The following TRMO variants were observed in gnomAD, a reference collection of about 807,000 sequenced individuals.
TRMO encodes the protein tRNA methyltransferase O, also known as tRNA (adenine(37)-N6)-methyltransferase.
A neutral mutation model predicts 37.2 loss-of-function variants in TRMO; 30 were observed. That is an observed-to-expected ratio of 0.81 (90% CI 0.60 to 1.09). The LOEUF is 1.09. Ranked by LOEUF, TRMO falls within the 50% of genes least tolerant of loss-of-function variation. The probability of loss-of-function intolerance (pLI) is 0.00; values close to 1 mark genes in which losing one functional copy is unlikely to be tolerated. For synonymous variants in TRMO, 239 were observed against 199.4 expected, an observed-to-expected ratio of 1.20 and a Z score of -1.67; for missense variants, 552 against 549.5, an observed-to-expected ratio of 1.00 and a Z score of -0.05.
At chr9:97,912,906 C>T in intron 3 of TRMO, 1 of 1,303,892 alleles carries the variant, frequency 7.7e-7, no homozygotes, top group Non-Finnish European at 1.0e-6. Flanking sequence ...TGTGATTCAT[C>T]CCAGACTCCT....
At chr9:97,902,137 G>C (rs1006608120), downstream of TRMO, among the ~76,000 whole-genome samples, 6 of 152,188 alleles carry the variant, frequency 3.9e-5, no homozygotes, top group African/African-American at 1.4e-4. Context: ...CGTTCAGGAA[G>C]AATGTTTTAA....
chr9:97,919,071 C>G (rs1340158506), intron 1 of TRMO, among the ~76,000 whole-genome samples: 7 of 152,132 alleles, frequency 4.6e-5, no homozygotes, highest in Non-Finnish European at 7.4e-5. Context: ...TTTTTGACAA[C>G]TTTAATTTTT....
downstream of TRMO, among the ~76,000 whole-genome samples, chr9:97,900,504 T>C (rs1831145335): frequency 6.6e-6 from 1 of 152,256 alleles, no homozygotes; most frequent in South Asian, 2.1e-4. Context: ...GACTTCATTC[T>C]GCCAAAGACT....
At position 97,916,256 on chromosome 9, in the gene TRMO, A is replaced by G. The variant is rs1186598250; in HGVS notation, c.159T>C (p.Cys53=). 1 of 1,613,592 alleles carries G rather than the reference A, an allele frequency of 6.2e-7. No homozygotes were observed. ...KNGTPRQPSI[C]SYSRACLRIR... ...TCCTCAAACAGGCTCGAGAATAGCT[A>G]CAAATGGATGGCTGTCTTGGAGTAC... Residue 53 remains cysteine (C), a synonymous_variant, in exon 2 of 5, where the codon TGT becomes TGC. Transcript: ENST00000375119.
chr9:97,901,607 T>G (rs1396798885), downstream of TRMO, among the ~76,000 whole-genome samples: 3 of 152,114 alleles, frequency 2.0e-5, no homozygotes, highest in African/African-American at 7.2e-5. Flanking sequence ...CAACTTCAAT[T>G]CCGGACATAA....
chr9:97,908,175 G>A (rs1440779845), intron 4 of TRMO, among the ~76,000 whole-genome samples: 1 of 152,116 alleles, frequency 6.6e-6, no homozygotes, highest in Non-Finnish European at 1.5e-5. Context: ...CACTTTGGGA[G>A]GCCAAGGCGG....
downstream of TRMO, among the ~76,000 whole-genome samples, chr9:97,900,178 T>C (rs909087499): frequency 1.4e-4 from 21 of 152,228 alleles, no homozygotes; most frequent in African/African-American, 5.1e-4. Flanking sequence ...AGAAAAAGGC[T>C]ATCAATGAAG....
At chr9:97,912,928 C>G in intron 3 of TRMO, 1 of 1,304,544 alleles carries the variant, frequency 7.7e-7, no homozygotes, top group Non-Finnish European at 1.0e-6. Context: ...CCACACAGCA[C>G]AGTTGACATC....
intron 3 of TRMO, chr9:97,911,529 G>A (rs975918772): frequency 6.6e-6 from 1 of 152,332 alleles, no homozygotes; most frequent in African/African-American, 2.4e-5. Flanking sequence ...TTGCAGTCTA[G>A]TGAGACCTAA....
At chr9:97,906,995 C>G (rs963198378) in intron 4 of TRMO, among the ~76,000 whole-genome samples, 4 of 152,204 alleles carry the variant, frequency 2.6e-5, no homozygotes, top group African/African-American at 9.7e-5. Context: ...AATCCTTTTA[C>G]AACTGACCAG....
At chr9:97,920,743 C>G (rs964584505) in intron 1 of TRMO, among the ~76,000 whole-genome samples, 17 of 152,206 alleles carry the variant, frequency 1.1e-4, no homozygotes, top group African/African-American at 4.1e-4. Context: ...TCCACCTGTA[C>G]TATTAAATTA....
At chr9:97,896,911 T>TGTC in the TRMO span, among the ~76,000 whole-genome samples, 9 of 152,336 alleles carry the variant, frequency 5.9e-5, no homozygotes, top group East Asian at 1.7e-3. Flanking sequence ...TAATGCATGC[T>TGTC]TGTGATTAGA....
In TRMO at chr9:97,913,388, T is replaced by C. The variant is rs929123807; in HGVS notation, c.409+13A>G. Reference sequence around the variant, plus strand: ...GTGAGGAAAAAGGTAAAAGTAGAAATGAAATGGGTTACCTTCTACCTTTTC... The same window carrying C: ...GTGAGGAAAAAGGTAAAAGTAGAAACGAAATGGGTTACCTTCTACCTTTTC... On this transcript the variant is annotated intron_variant, in intron 3 of 4. Transcript: ENST00000375119. 28 of 1,613,784 alleles carry C rather than the reference T, an allele frequency of 1.7e-5. No individual in the cohort carries two copies. The highest frequency in any genetic ancestry group is 3.3e-4 in the Middle Eastern group (2 of 6,062).
intron 4 of TRMO, among the ~76,000 whole-genome samples, chr9:97,907,961 T>C (rs1825927796): frequency 6.6e-6 from 1 of 152,150 alleles, no homozygotes; most frequent in African/African-American, 2.4e-5. Flanking sequence ...TCTTTCTCAG[T>C]GAGGCCCACT....
downstream of TRMO, chr9:97,900,755 G>C (rs1042800252): frequency 4.1e-6 from 4 of 979,794 alleles, no homozygotes; most frequent in Admixed American, 6.2e-5. Flanking sequence ...TTTTTATTGA[G>C]TCTTCTCTTG....
At chr9:97,905,756 C>T (rs1320751459) in intron 4 of TRMO, among the ~76,000 whole-genome samples, 1 of 152,124 alleles carries the variant, frequency 6.6e-6, no homozygotes, top group African/African-American at 2.4e-5. Context: ...ATCTTTATCC[C>T]TCTTGGAGTG....
chr9:97,911,463 C>T (rs1826122340), intron 3 of TRMO: 1 of 152,408 alleles, frequency 6.6e-6, no homozygotes, highest in African/African-American at 2.4e-5. Flanking sequence ...TGAGCTTAAG[C>T]AGATTCTTCC....
At chr9:97,917,845 ATT>A (rs112794003) in intron 1 of TRMO, among the ~76,000 whole-genome samples, 8 of 134,248 alleles carry the variant, frequency 6.0e-5, no homozygotes, top group African/African-American at 5.5e-5. Flanking sequence ...TGCCCATCTA[ATT>A]TTTTTTTTTT....
chr9:97,911,882 G>T (rs549955431), intron 3 of TRMO: 1 of 152,140 alleles, frequency 6.6e-6, no homozygotes, highest in Admixed American at 6.5e-5. Flanking sequence ...TAAGAAAAAC[G>T]TAACTAATAC....
Sources: gnomAD v4.1 joint callset for allele counts (sites outside exome capture counted in the v4.1 genomes callset) on GRCh38, gnomAD v4.1.1 for gene constraint, MANE v1.5 for transcripts, NCBI Gene and HGNC (gene_info 2026-07-23, HGNC 2026-07-21) for gene names.